The following NOL12 variants were observed in gnomAD, a reference collection of about 807,000 sequenced individuals.
NOL12 encodes the protein nucleolar protein 12.
Under a neutral mutation model 25.2 loss-of-function variants are expected in NOL12, and 21 were observed. The observed-to-expected ratio is 0.83, with a 90% CI of 0.59 to 1.20. The LOEUF (loss-of-function observed/expected upper bound fraction) is 1.20. Among genes scored for constraint, NOL12 ranks in the 50% most tolerant of loss-of-function variants. The pLI, the probability that NOL12 is intolerant of heterozygous loss-of-function variation, is 0.00. For synonymous variants in NOL12, 133 were observed against 113.8 expected, an observed-to-expected ratio of 1.17 and a Z score of -1.08; for missense variants, 286 against 287.6, an observed-to-expected ratio of 0.99 and a Z score of 0.04.
intron 4 of NOL12, 28 bp from the exon 5 acceptor site, chr22:37,690,669 T>C (rs1922024815): frequency 6.4e-7 from 1 of 1,560,994 alleles, no homozygotes; most frequent in South Asian, 1.1e-5. Context: ...TACTGCTCCA[T>C]GTAAGTCATT....
chr22:37,687,783 ATACT>A, intron 1 of NOL12, 123 bp from the exon 2 acceptor site: 1 of 662,062 alleles, frequency 1.5e-6, no homozygotes, highest in Admixed American at 2.5e-5. Context: ...AAATGAGCTA[ATACT>A]TACACTTTTT....
In NOL12 at chr22:37,686,384, C is replaced by G. The variant is rs769486258; in HGVS notation, c.-9C>G. ...TCTTCAGGGAGAGGAAGCCGGCGGC[C>G]TCACTGCTATGGGCCGCAACAAGAA... On this transcript the variant is annotated 5_prime_UTR_variant, in exon 1 of 6. Transcript: ENST00000359114. 16 of 1,591,444 alleles carry G rather than the reference C, an allele frequency of 1.0e-5. No individual in the cohort carries two copies. The Admixed American group carries it at 2.5e-4, about 25-fold the overall frequency.
At position 37,692,230 on chromosome 22, in the gene NOL12, G is replaced by A. The variant is rs569675112; in HGVS notation, c.*894G>A. ...AAATTAGCCAGGTGTGGTGGCACAC[G>A]CGTGTAATCCCAGCTACTTGGGAGG... On this transcript the variant is annotated 3_prime_UTR_variant, in exon 6 of 6. Coordinates refer to ENST00000359114, the MANE Select transcript of NOL12 (RefSeq NM_024313.3). The A allele has an allele frequency of 1.2e-3, 366 of 312,980 alleles. 1 individual carries two copies. Among genetic ancestry groups the A allele is most frequent in the Admixed American group, 1.9e-3 (38 of 20,030 alleles). The allele number at this position is 312,980 out of a possible 1,614,324, so 19.4% of individuals were successfully genotyped here.
Position 37,691,238 on chromosome 22 carries a change from C to A in NOL12, c.544C>A (p.Arg182=). The change falls in exon 6 of 6, where the codon CGA becomes AGA. Residue 182 remains arginine (R), a synonymous_variant. Coordinates refer to ENST00000359114, the MANE Select transcript of NOL12 (RefSeq NM_024313.3). ...CAAAAAGGTCAAGAGGAAACATCCC[C>A]GACGGGCCCAGGACTCCAAAAAGCC... ...SRKKVKRKHP[R]RAQDSKKPPR... 4 of 1,614,074 alleles carry A rather than the reference C, an allele frequency of 2.5e-6. No individual in the cohort carries two copies. The highest frequency in any genetic ancestry group is 3.4e-6 in the Non-Finnish European group (4 of 1,179,984).
Position 37,688,365 on chromosome 22 carries a change from G to A in NOL12, c.238+5G>A, listed in dbSNP as rs773415986. On this transcript the variant is annotated splice_donor_5th_base_variant and intron_variant, in intron 3 of 5. Transcript: ENST00000359114. ...CAGAGAGAGAAGAGGCTCTGGGTAAGTGGCATGCTTGGCCTGACCTGGAGA... is the reference window on the plus strand; with the variant it reads ...CAGAGAGAGAAGAGGCTCTGGGTAAATGGCATGCTTGGCCTGACCTGGAGA... The A allele has an allele frequency of 3.7e-6, 6 of 1,614,076 alleles. No individual in the cohort carries two copies. In the African/African-American group the frequency reaches 8.0e-5, roughly 22 times the overall value.
In NOL12 at chr22:37,688,357, CT is replaced by C. The variant is rs1288561203; in HGVS notation, c.236del (p.Leu79ArgfsTer11). Reference sequence around the variant, plus strand: ...GATGCTGGCAGAGAGAGAAGAGGCTCTGGGTAAGTGGCATGCTTGGCCTGAC... The same window carrying C: ...GATGCTGGCAGAGAGAGAAGAGGCTCGGGTAAGTGGCATGCTTGGCCTGAC... Reference protein sequence around the residue: ...LKMLAEREEALEEADELDRLV... With the variant: ...LKMLAEREEAXEEADELDRLV... On this transcript the variant is annotated frameshift_variant and splice_region_variant, in exon 3 of 6. Coordinates refer to ENST00000359114, the MANE Select transcript of NOL12 (RefSeq NM_024313.3). LOFTEE classifies it high-confidence loss of function. 16 of 1,614,034 alleles carry C rather than the reference CT, an allele frequency of 9.9e-6. No homozygotes were observed. The highest frequency in any genetic ancestry group is 1.4e-5 in the Non-Finnish European group (16 of 1,180,014).
rs1922120750 is a variant in NOL12 at position 37,692,617 on chromosome 22, G to A, written c.*1281G>A. The stretch of plus-strand genomic sequence containing the variant: ...AGGACCACAAAGGGGAGTGAACTGT[G>A]TTCCCAGGGCTTGCTGACGCCCGTG... On this transcript the variant is annotated 3_prime_UTR_variant, in exon 6 of 6. Coordinates refer to ENST00000359114, the MANE Select transcript of NOL12 (RefSeq NM_024313.3). 5 of 398,790 alleles carry A rather than the reference G, an allele frequency of 1.3e-5. No individual in the cohort carries two copies. The highest frequency in any genetic ancestry group is 4.1e-5 in the African/African-American group (2 of 48,766). The allele number at this position is 398,790 out of a possible 1,614,324, so 24.7% of individuals were successfully genotyped here. A position where few individuals can be genotyped will look rare whatever the true frequency, so the allele number is the denominator to read the frequency against.
chr22:37,688,263 T>C (rs765030665), intron 2 of NOL12, 49 bp from the exon 3 acceptor site: 2 of 1,590,616 alleles, frequency 1.3e-6, no homozygotes, highest in South Asian at 2.2e-5. Flanking sequence ...CAGCCTGAGG[T>C]TGGACTGAGA....
rs907013399 is a variant in NOL12 at position 37,691,089 on chromosome 22, A to C, written c.480-85A>C. ...GAACTTGGCGGTCCTGGCATTCGCA[A>C]CCTGTCCTGACATCCCCTCCGTGAG... On this transcript the variant is annotated intron_variant, in intron 5 of 5. Transcript: ENST00000359114. The C allele has an allele frequency of 2.7e-6, 4 of 1,472,718 alleles. No individual in the cohort carries two copies. The African/African-American group carries it at 4.2e-5, about 16-fold the overall frequency. 91.2% of individuals were successfully genotyped at this position (1,472,718 alleles called of 1,614,324 possible).
rs1569025347 is a variant in NOL12, at chr22:37,691,199, C to T, written c.505C>T (p.His169Tyr). The T allele has an allele frequency of 1.9e-6, 3 of 1,613,666 alleles. No individual in the cohort carries two copies. The highest frequency in any genetic ancestry group is 2.2e-5 in the East Asian group (1 of 44,876). Residue 169 changes from histidine to tyrosine, a missense_variant, in exon 6 of 6, where the codon CAT (histidine) becomes TAT (tyrosine). His to Tyr is a moderately conservative substitution (Grantham distance 83, BLOSUM62 2). Transcript: ENST00000359114. Reference protein sequence around the residue: ...QRISSLTASLHAHSRKKVKRK... With the variant: ...QRISSLTASLYAHSRKKVKRK... The stretch of plus-strand genomic sequence containing the variant: ...GATCTCCTCCCTCACAGCATCACTA[C>T]ATGCACACAGCCGCAAAAAGGTCAA...
chr22:37,688,971 G>C lies in NOL12; in HGVS notation c.360G>C (p.Leu120=), dbSNP rs763489329. 2 of 1,612,862 alleles carry C rather than the reference G, an allele frequency of 1.2e-6. No individual in the cohort carries two copies. Among genetic ancestry groups the C allele is most frequent in the South Asian group, 2.2e-5 (2 of 91,084 alleles). The change falls in exon 4 of 6, where the codon CTG becomes CTC. Residue 120 remains leucine, a synonymous_variant. Coordinates refer to ENST00000359114, the MANE Select transcript of NOL12 (RefSeq NM_024313.3). ...ISDLDLSGAR[L]LGLTPPEGGA... is the part of the protein sequence containing the mutation. The stretch of plus-strand genomic sequence containing the variant: ...ACCTGGACCTCTCGGGGGCCCGGCT[G>C]CTCGGGCTGACCCCACCTGAGGTGG...
intron 5 of NOL12, 103 bp downstream of exon 5, chr22:37,690,897 C>A: frequency 1.2e-6 from 1 of 836,142 alleles, no homozygotes; most frequent in Non-Finnish European, 1.9e-6. Context: ...CGGAGCAGCC[C>A]TCTGCCTGTC....
chr22:37,691,546 G>A lies in NOL12; in HGVS notation c.*210G>A. ...AATTCCCGAAGGAGCAGGCAGCTGAGAGCAGGCCTCCCCCAGGAAGAGCCT... is the reference window on the plus strand; with the variant it reads ...AATTCCCGAAGGAGCAGGCAGCTGAAAGCAGGCCTCCCCCAGGAAGAGCCT... On this transcript the variant is annotated 3_prime_UTR_variant, in exon 6 of 6. Coordinates refer to ENST00000359114, the MANE Select transcript of NOL12 (RefSeq NM_024313.3). 1.8e-6 allele frequency: 1 copy of A among 566,156 alleles called. No homozygotes were observed. Among genetic ancestry groups the A allele is most frequent in the Non-Finnish European group, 2.9e-6 (1 of 346,442 alleles). 35.1% of individuals were successfully genotyped at this position (566,156 alleles called of 1,614,324 possible). A position where few individuals can be genotyped will look rare whatever the true frequency, so the allele number is the denominator to read the frequency against.
In NOL12 at chr22:37,691,277, C is replaced by T. The variant is rs373277967; in HGVS notation, c.583C>T (p.Arg195Cys). The T allele has an allele frequency of 3.4e-5, 55 of 1,613,932 alleles. No individual in the cohort carries two copies. In the South Asian group the frequency reaches 4.6e-4, roughly 14 times the overall value. Residue 195 changes from arginine to cysteine, a missense_variant, in exon 6 of 6, where the codon CGT becomes TGT. By Grantham distance (180) the Arg-to-Cys change is radical. Transcript: ENST00000359114. ...CTCCAAAAAGCCCCCAAGGGCCCCT[C>T]GTACCAGCAAGGCCCAGCGCCGCCG... ...QDSKKPPRAP[R>C]TSKAQRRRLT...
rs143650839 is a variant in NOL12, at chr22:37,686,365, G to C, written c.-28G>C. ...TACGCTACACCCGGAAGTGTCTTCA[G>C]GGAGAGGAAGCCGGCGGCCTCACTG... On this transcript the variant is annotated 5_prime_UTR_variant, in exon 1 of 6. Coordinates refer to ENST00000359114, the MANE Select transcript of NOL12 (RefSeq NM_024313.3). 14,554 of 1,579,432 alleles carry C rather than the reference G, an allele frequency of 9.2e-3. 103 individuals carry two copies. The highest frequency in any genetic ancestry group is 0.01 in the Non-Finnish European group (12,094 of 1,166,170).
In NOL12 at chr22:37,693,164, A is replaced by C; in HGVS notation, c.*1828A>C. 6.4e-6 allele frequency: 1 copy of C among 155,758 alleles called. No individual in the cohort carries two copies. The highest frequency in any genetic ancestry group is 1.4e-5 in the Non-Finnish European group (1 of 70,546). The allele number at this position is 155,758 out of a possible 1,614,324, so 9.6% of individuals were successfully genotyped here. A position where few individuals can be genotyped will look rare whatever the true frequency, so the allele number is the denominator to read the frequency against. On this transcript the variant is annotated 3_prime_UTR_variant, in exon 6 of 6. Coordinates refer to ENST00000359114, the MANE Select transcript of NOL12 (RefSeq NM_024313.3). Reference sequence around the variant, plus strand: ...TGCACACAGCAGGGCTCGGGTTTGAATCCAGGCTCTGCTGCTTGGTCGCTG... The same window carrying C: ...TGCACACAGCAGGGCTCGGGTTTGACTCCAGGCTCTGCTGCTTGGTCGCTG...
chr22:37,690,812 G>T lies in NOL12; in HGVS notation c.479+18G>T, dbSNP rs1206429090. 6 of 1,579,014 alleles carry T rather than the reference G, an allele frequency of 3.8e-6. No homozygotes were observed. Among genetic ancestry groups the T allele is most frequent in the Non-Finnish European group, 5.2e-6 (6 of 1,149,948 alleles). ...TCTCAGCGGTGAGTCTTGGCCTGCT[G>T]CCTCCCCGGTCCCACCCCTCCTGGC... is the stretch of plus-strand genomic sequence containing the variant. On this transcript the variant is annotated intron_variant, in intron 5 of 5. Coordinates refer to ENST00000359114, the MANE Select transcript of NOL12 (RefSeq NM_024313.3).
chr22:37,688,719 C>A, intron 3 of NOL12, 131 bp from the exon 4 acceptor site: 1 of 865,660 alleles, frequency 1.2e-6, no homozygotes, highest in Non-Finnish European at 1.9e-6. Context: ...CCAGGCTCTA[C>A]AGCCAGTGAC....
intron 4 of NOL12, 64 bp downstream of exon 4, chr22:37,689,056 T>C (rs1921948714): frequency 2.6e-6 from 4 of 1,567,768 alleles, no homozygotes; most frequent in Non-Finnish European, 3.5e-6. Context: ...TCAGGGTTGC[T>C]CAGTGCTGGC....
Sources: gnomAD v4.1 joint callset for allele counts on GRCh38, gnomAD v4.1.1 for gene constraint, MANE v1.5 for transcripts, NCBI Gene and HGNC (gene_info 2026-07-23, HGNC 2026-07-21) for gene names.